EVC2: variants seen among roughly 807,000 people sequenced by gnomAD.
EVC2 encodes limbin.
Under a neutral mutation model 149.3 loss-of-function variants are expected in EVC2, and 148 were observed. That is an observed-to-expected ratio of 0.99 (90% CI 0.87 to 1.14). The LOEUF is 1.14. EVC2 is among the 50% of genes most tolerant of loss of function. The pLI is 0.00. For synonymous variants in EVC2, 776 were observed against 649.9 expected, an observed-to-expected ratio of 1.19 and a Z score of -2.95; for missense variants, 1,854 against 1,627.3, an observed-to-expected ratio of 1.14 and a Z score of -2.40.
intron 21 of EVC2, among the ~76,000 whole-genome samples, chr4:5,563,825 G>A (rs1280402607): frequency 6.6e-6 from 1 of 151,992 alleles, no homozygotes; most frequent in Non-Finnish European, 1.5e-5. Context: ...CTAAAAGCAG[G>A]CTAATGAAAC....
intron 21 of EVC2, among the ~76,000 whole-genome samples, chr4:5,556,179 CAAAAAAAAAA>C (rs61024761): frequency 1.7e-3 from 113 of 65,034 alleles, no homozygotes; most frequent in African/African-American, 7.3e-3. Context: ...GACTCCGTCT[CAAAAAAAAAA>C]AAAAAAAAAA....
chr4:5,596,214 C>T (rs557595134), intron 16 of EVC2, among the ~76,000 whole-genome samples: 29 of 152,246 alleles, frequency 1.9e-4, no homozygotes, highest in South Asian at 1.5e-3. Flanking sequence ...CTGCACCAAG[C>T]GGACCTAACA....
chr4:5,553,752 T>C (rs1442342749), intron 21 of EVC2, among the ~76,000 whole-genome samples: 1 of 152,160 alleles, frequency 6.6e-6, no homozygotes, highest in East Asian at 1.9e-4. Context: ...AATAAAGCCT[T>C]ACACAATTCA....
chr4:5,631,591 T>C (rs1457239996), intron 11 of EVC2, among the ~76,000 whole-genome samples: 1 of 151,260 alleles, frequency 6.6e-6, no homozygotes, highest in Non-Finnish European at 1.5e-5. Flanking sequence ...GAAATTCCAA[T>C]CCAGGTCAGC....
Position 5,628,610 on chromosome 4 carries a change from A to G in EVC2, c.1835T>C (p.Leu612Pro). The G allele has an allele frequency of 3.1e-6, 5 of 1,614,130 alleles. No homozygotes were observed. The highest frequency in any genetic ancestry group is 4.2e-6 in the Non-Finnish European group (5 of 1,180,004). The change falls in exon 12 of 22, where the codon CTT becomes CCT. Residue 612 changes from leucine (L) to proline (P), a missense_variant. By Grantham distance (98) the Leu-to-Pro change is moderately conservative. Transcript: ENST00000344408. ...CAGCTGGGCTGCAGCGGTGCTCAGA[A>G]GGCCCTGCACACGGGTCTCTGATGA... is the stretch of plus-strand genomic sequence containing the variant. Reference protein sequence around the residue: ...LQSSETRVQGLLSTAAAQLTH... With the variant: ...LQSSETRVQGPLSTAAAQLTH...
In EVC2 at chr4:5,562,932, T is replaced by C. The variant is rs202036951; in HGVS notation, c.3843A>G (p.Pro1281=). 2 of 1,614,074 alleles carry C rather than the reference T, an allele frequency of 1.2e-6. No homozygotes were observed. The highest frequency in any genetic ancestry group is 1.7e-6 in the Non-Finnish European group (2 of 1,180,044). Residue 1281 remains proline (P), a synonymous_variant, in exon 22 of 22, where the codon CCA becomes CCG. Coordinates refer to ENST00000344408, the MANE Select transcript of EVC2 (RefSeq NM_147127.5). The surrounding 1 kb of genome is among the most constrained non-coding windows in gnomAD (Gnocchi z 4.3). ...KLFIFRNPKE[P]EISLHVPPRK... ...TGGGAGGAACGTGCAGTGAGATCTC[T>C]GGCTCCTTTGGATTTCTGAATATAA...
chr4:5,700,921 C>A (rs552879979), intron 1 of EVC2, among the ~76,000 whole-genome samples: 137 of 152,372 alleles, frequency 9.0e-4, no homozygotes, highest in Admixed American at 4.7e-3. Context: ...CTTCCCGTGG[C>A]TGCTGTACAC....
In EVC2 at chr4:5,622,877, G is replaced by A. The variant is rs1226632645; in HGVS notation, c.2161C>T (p.Leu721=). 7 of 1,614,146 alleles carry A rather than the reference G, an allele frequency of 4.3e-6. No homozygotes were observed. Among genetic ancestry groups the A allele is most frequent in the Non-Finnish European group, 5.1e-6 (6 of 1,180,032 alleles). ...RSLMEEHGAT[L]EELQERLDQA... ...TCCAGACGCTCCTGCAGCTCCTCCA[G>A]GGTGGCACCGTGCTCCTCCATCAGG... The change falls in exon 14 of 22, where the codon CTG becomes TTG. Residue 721 remains leucine, a synonymous_variant. Transcript: ENST00000344408. The surrounding 1 kb of genome is among the most constrained non-coding windows in gnomAD (Gnocchi z 5.8).
chr4:5,623,338 A>AT (rs934150878), intron 13 of EVC2, among the ~76,000 whole-genome samples: 5 of 145,668 alleles, frequency 3.4e-5, no homozygotes, highest in Non-Finnish European at 6.1e-5. Flanking sequence ...TTATTTATTT[A>AT]TTTTTTTTAT....
At chr4:5,568,177 T>C (rs1560126330) in intron 20 of EVC2, among the ~76,000 whole-genome samples, 1 of 152,134 alleles carries the variant, frequency 6.6e-6, no homozygotes, top group African/African-American at 2.4e-5. Context: ...CTAGCAGTCA[T>C]TTTTCTAGGT....
At position 5,568,358 on chromosome 4, in the gene EVC2, C is replaced by T. The variant is rs540610218; in HGVS notation, c.3557+86G>A. The stretch of plus-strand genomic sequence containing the variant: ...AAAATTAAAAAGTATGGACAAAATA[C>T]ATGGGCCTCCCATGACCTTGAGGAC... On this transcript the variant is annotated intron_variant, in intron 20 of 21. Coordinates refer to ENST00000344408, the MANE Select transcript of EVC2 (RefSeq NM_147127.5). 2.3e-6 allele frequency: 3 copies of T among 1,330,774 alleles called. 1 individual carries two copies. The African/African-American group carries it at 4.4e-5, about 20-fold the overall frequency. The allele number at this position is 1,330,774 out of a possible 1,614,324, so 82.4% of individuals were successfully genotyped here.
chr4:5,603,019 G>A (rs1355237178), intron 16 of EVC2, among the ~76,000 whole-genome samples: 1 of 152,292 alleles, frequency 6.6e-6, no homozygotes, highest in East Asian at 1.9e-4. Context: ...AGAATTATTT[G>A]ACTGTTTAAA....
chr4:5,540,909 A>G (rs1262105648), downstream of EVC2, among the ~76,000 whole-genome samples: 1 of 152,194 alleles, frequency 6.6e-6, no homozygotes, highest in Non-Finnish European at 1.5e-5. Flanking sequence ...GACACCATCT[A>G]CTGCTGGCAA....
intron 16 of EVC2, among the ~76,000 whole-genome samples, chr4:5,602,597 A>G (rs903149446): frequency 1.3e-5 from 2 of 152,124 alleles, no homozygotes; most frequent in Non-Finnish European, 1.5e-5. Context: ...CTAAAGAACA[A>G]TATTAACTCC....
chr4:5,622,502 G>A lies in EVC2; in HGVS notation c.2501+35C>T. On this transcript the variant is annotated intron_variant, in intron 14 of 21. Coordinates refer to ENST00000344408, the MANE Select transcript of EVC2 (RefSeq NM_147127.5). The surrounding 1 kb of genome is among the most constrained non-coding windows in gnomAD (Gnocchi z 5.8). ...GGAATCTCCCTGGCATCAACGGGATGGGGAGGGGTGATTACGACCCGCAAA... is the reference window on the plus strand; with the variant it reads ...GGAATCTCCCTGGCATCAACGGGATAGGGAGGGGTGATTACGACCCGCAAA... The A allele has an allele frequency of 6.2e-7, 1 of 1,604,470 alleles. No homozygotes were observed. Among genetic ancestry groups the A allele is most frequent in the Non-Finnish European group, 8.5e-7 (1 of 1,174,878 alleles).
chr4:5,548,361 A>AG (rs545761921), intron 21 of EVC2, among the ~76,000 whole-genome samples: 421 of 149,534 alleles, frequency 2.8e-3, no homozygotes, highest in African/African-American at 8.9e-3. Flanking sequence ...AGCCACCTTG[A>AG]AACCATGAGA....
chr4:5,590,134 A>C (rs1473554482), intron 16 of EVC2, among the ~76,000 whole-genome samples: 2 of 152,114 alleles, frequency 1.3e-5, no homozygotes, highest in African/African-American at 4.8e-5. Context: ...ATAAAAGCTA[A>C]GAGGGAAAGT....
At chr4:5,646,009 A>G (rs1231653032) in intron 9 of EVC2, among the ~76,000 whole-genome samples, 1 of 152,076 alleles carries the variant, frequency 6.6e-6, no homozygotes, top group Non-Finnish European at 1.5e-5. Flanking sequence ...GGCTCACTGC[A>G]ACCTCCACCT....
At chr4:5,681,816 T>G (rs1310649500) in intron 6 of EVC2, among the ~76,000 whole-genome samples, 3 of 152,190 alleles carry the variant, frequency 2.0e-5, no homozygotes, top group Admixed American at 2.0e-4. Context: ...AAATAAAGTG[T>G]GTCATGGTAT....
Sources: allele counts gnomAD v4.1 joint callset (sites outside exome capture counted in the v4.1 genomes callset), GRCh38; gene constraint gnomAD v4.1.1; non-coding constraint Gnocchi (gnomAD v3.1); transcripts MANE v1.5; gene names NCBI Gene and HGNC (gene_info 2026-07-23, HGNC 2026-07-21).